CYB5R2: variants seen among roughly 807,000 people sequenced by gnomAD.
CYB5R2 encodes NADH-cytochrome b5 reductase 2.
CYB5R2 carries 35 observed loss-of-function variants against 29.8 expected under a neutral mutation model. The ratio of observed to expected loss-of-function variants is 1.17; its 90% confidence interval spans 0.90 to 1.56. The LOEUF is 1.56. Ranked by LOEUF, CYB5R2 falls within the 40% of genes most tolerant of loss-of-function variation. CYB5R2 has a pLI of 0.00. For missense variants in CYB5R2, 419 were observed against 346.7 expected (o/e 1.21, Z -1.66); for synonymous variants, 169 against 130.6 (o/e 1.29, Z -2.01).
upstream of CYB5R2, chr11:7,673,679 C>T: frequency 1.0e-6 from 1 of 985,636 alleles, no homozygotes; most frequent in Non-Finnish European, 1.2e-6. Context: ...GGAGATATTT[C>T]TTCAATACTC....
intron 8 of CYB5R2, chr11:7,666,015 G>T (rs1044036940): frequency 2.9e-5 from 31 of 1,079,354 alleles, no homozygotes; most frequent in Non-Finnish European, 4.0e-5. Context: ...AGTGGTTGCT[G>T]GGATGCTGTC....
rs371854971 is a variant in CYB5R2 at position 7,665,345 on chromosome 11, C to T, written c.*29G>A. 9 of 1,471,796 alleles carry T rather than the reference C, an allele frequency of 6.1e-6. No homozygotes were observed. Among genetic ancestry groups the T allele is most frequent in the East Asian group, 2.4e-5 (1 of 42,142 alleles). 91.2% of individuals were successfully genotyped at this position (1,471,796 alleles called of 1,614,324 possible). A position where few individuals can be genotyped will look rare whatever the true frequency, so the allele number is the denominator to read the frequency against. On this transcript the variant is annotated 3_prime_UTR_variant, in exon 9 of 9. Coordinates refer to ENST00000299498, the MANE Select transcript of CYB5R2 (RefSeq NM_016229.5). ...TTACTCTGAAACAGATGAAAAGGGA[C>T]ATGCAAAATTGCTGAGCACGTGGAG...
chr11:7,672,855 C>T lies in CYB5R2; in HGVS notation c.-30G>A. 6.2e-7 allele frequency: 1 copy of T among 1,614,012 alleles called. No individual in the cohort carries two copies. Among genetic ancestry groups the T allele is most frequent in the Middle Eastern group, 1.7e-4 (1 of 6,060 alleles). ...TTCAGGACCAACACGAGCACAGTGACCCCAGTGACGGTGATGGTCAGGAGC... is the reference window on the plus strand; with the variant it reads ...TTCAGGACCAACACGAGCACAGTGATCCCAGTGACGGTGATGGTCAGGAGC... On this transcript the variant is annotated 5_prime_UTR_variant, in exon 2 of 9. Transcript: ENST00000299498.
chr11:7,674,097 C>G (rs1042864195), upstream of CYB5R2: 100 of 1,197,002 alleles, frequency 8.4e-5, 1 homozygote, highest in South Asian at 8.5e-4. Context: ...CCACACTGAG[C>G]GCCCCTCAGC....
intron 2 of CYB5R2, 83 bp from the exon 3 acceptor site, chr11:7,672,606 G>T: frequency 6.8e-7 from 1 of 1,475,580 alleles, no homozygotes; most frequent in Non-Finnish European, 9.4e-7. Flanking sequence ...AAGGAGGTCC[G>T]TTTGGCGCTA....
intron 5 of CYB5R2, 134 bp from the exon 6 acceptor site, chr11:7,668,695 A>G (rs1208354885): frequency 6.4e-6 from 5 of 779,384 alleles, no homozygotes; most frequent in Non-Finnish European, 1.1e-5. Flanking sequence ...AAGCTGGAGA[A>G]GCAGGCCAGG....
intron 7 of CYB5R2, 190 bp downstream of exon 7, chr11:7,667,538 T>G: frequency 1.7e-6 from 1 of 579,884 alleles, no homozygotes; most frequent in Admixed American, 3.0e-5. Flanking sequence ...CACAAAAGAG[T>G]TAAATACATG....
chr11:7,673,731 C>T, upstream of CYB5R2: 1 of 986,462 alleles, frequency 1.0e-6, no homozygotes, highest in Non-Finnish European at 1.2e-6. Flanking sequence ...GAGTGAGACG[C>T]CCAACACGTC....
chr11:7,667,405 A>T (rs1855364359), intron 7 of CYB5R2: 1 of 178,264 alleles, frequency 5.6e-6, no homozygotes, highest in Admixed American at 6.2e-5. Context: ...GTAAGTAAAT[A>T]TTTATATTCT....
chr11:7,665,775 C>T (rs983013846), intron 8 of CYB5R2: 5 of 1,441,602 alleles, frequency 3.5e-6, no homozygotes, highest in East Asian at 2.5e-5. Flanking sequence ...AGCCCTGCTG[C>T]TGTCTGTCAG....
rs1472733811 is a variant in CYB5R2, at chr11:7,672,635, C to T, written c.79-112G>A. 6 of 1,504,344 alleles carry T rather than the reference C, an allele frequency of 4.0e-6. No individual in the cohort carries two copies. In the Admixed American group the frequency reaches 1.0e-4, roughly 26 times the overall value. The allele number at this position is 1,504,344 out of a possible 1,614,324, so 93.2% of individuals were successfully genotyped here. On this transcript the variant is annotated intron_variant, in intron 2 of 8. Transcript: ENST00000299498. ...GGCGCTATTCCAGCACACACACACA[C>T]ACACACAGGGCGGCGGGGAGTGAAC...
At position 7,669,642 on chromosome 11, in the gene CYB5R2, C is replaced by T. The variant is rs61733056; in HGVS notation, c.241G>A (p.Val81Met). The T allele has an allele frequency of 0.017, 27,412 of 1,603,758 alleles. 1,812 individuals are homozygous for T. In the African/African-American group the frequency reaches 0.2, roughly 12 times the overall value. ...CTATTTACCTTTATAATTAGGTCCA[C>T]AAAGCCTCTGTCATCATCACTGGAG... ...PVSSDDDRGF[V>M]DLIIKIYFKN... is the part of the protein sequence containing the mutation. Residue 81 changes from valine to methionine, a missense_variant, in exon 4 of 9, where the codon GTG (valine) becomes ATG (methionine). Coordinates refer to ENST00000299498, the MANE Select transcript of CYB5R2 (RefSeq NM_016229.5).
At position 7,669,193 on chromosome 11, in the gene CYB5R2, C is replaced by T; in HGVS notation, c.388+12G>A. The T allele has an allele frequency of 6.2e-7, 1 of 1,614,144 alleles. No individual in the cohort carries two copies. On this transcript the variant is annotated intron_variant, in intron 5 of 8. Transcript: ENST00000299498. ...TCCCAGCTGGGAGCCCAAGTATTAACCCCTCCAGTACCTGGCCCATGGTAA... is the reference window on the plus strand; with the variant it reads ...TCCCAGCTGGGAGCCCAAGTATTAATCCCTCCAGTACCTGGCCCATGGTAA...
chr11:7,666,066 G>C, intron 8 of CYB5R2: 1 of 696,912 alleles, frequency 1.4e-6, no homozygotes, highest in Admixed American at 2.2e-5. Flanking sequence ...ATGTCCAGGT[G>C]AGGTGGGCGG....
chr11:7,670,938 C>CAA (rs34256356), intron 3 of CYB5R2: 120,574 of 151,976 alleles, frequency 0.79, 48,007 homozygotes, highest in African/African-American at 0.85. Context: ...GGAAATTAGT[C>CAA]GAGACAAGGA....
chr11:7,673,860 G>C (rs1218188850), upstream of CYB5R2: 2 of 990,246 alleles, frequency 2.0e-6, no homozygotes, highest in African/African-American at 3.5e-5. Flanking sequence ...GCACGCCCGG[G>C]AGGACAAAAG....
upstream of CYB5R2, chr11:7,673,634 G>C: frequency 1.0e-6 from 1 of 985,158 alleles, no homozygotes; most frequent in Non-Finnish European, 1.2e-6. Context: ...GCCGGCCTCC[G>C]CGCCTCTGGC....
intron 3 of CYB5R2, 33 bp from the exon 4 acceptor site, chr11:7,669,764 C>T (rs755599158): frequency 6.7e-7 from 1 of 1,493,764 alleles, no homozygotes; most frequent in South Asian, 1.1e-5. Flanking sequence ...TGAGTCAAAG[C>T]ATATTTAGCT....
In CYB5R2 at chr11:7,666,506, G is replaced by A. The variant is rs750160015; in HGVS notation, c.603C>T (p.Ala201=). Residue 201 remains alanine (A), a synonymous_variant, in exon 8 of 9, where the codon GCC becomes GCT. Coordinates refer to ENST00000299498, the MANE Select transcript of CYB5R2 (RefSeq NM_016229.5). ...GGTTGAACTGGTCTGGGTGAGTCCT[G>A]GCAATTTCTTCAAGCTCTTTTCTGA... ...ILVRKELEEI[A]RTHPDQFNLW... is the part of the protein sequence containing the mutation. The A allele has an allele frequency of 1.9e-6, 3 of 1,613,536 alleles. No homozygotes were observed. The highest frequency in any genetic ancestry group is 1.3e-5 in the African/African-American group (1 of 75,006).
Sources: allele counts gnomAD v4.1 joint callset, GRCh38; gene constraint gnomAD v4.1.1; transcripts MANE v1.5; gene names NCBI Gene and HGNC (gene_info 2026-07-23, HGNC 2026-07-21).